Variants in ESR1 observed in about 807,000 individuals in gnomAD.
ESR1 encodes estrogen receptor 1.
ESR1 carries 12 observed loss-of-function variants against 52.7 expected under a neutral mutation model. The ratio of observed to expected loss-of-function variants is 0.23; its 90% CI spans 0.15 to 0.37. The LOEUF is 0.37. ESR1 is among the 10% of genes least tolerant of loss of function. ESR1 has a pLI of 1.00. For missense variants in ESR1, 584 were observed against 779.7 expected (o/e 0.75, Z 2.99); for synonymous variants, 305 against 316.8 (o/e 0.96, Z 0.39).
intron 1 of ESR1, among the ~76,000 whole-genome samples, chr6:151,659,781 G>A (rs2115193036): frequency 6.6e-6 from 1 of 152,256 alleles, no homozygotes; most frequent in Non-Finnish European, 1.5e-5. Flanking sequence ...GAAAATGAAT[G>A]TATGTGATGT....
chr6:152,003,539 C>T (rs1000136894), intron 4 of ESR1, among the ~76,000 whole-genome samples: 1 of 151,862 alleles, frequency 6.6e-6, no homozygotes, highest in African/African-American at 2.4e-5. Context: ...TGCTTTTGAA[C>T]ATTTTAACAC....
rs2152507405 is a variant in ESR1, at chr6:152,098,952, C to T, written c.1774C>T (p.Pro592Ser). The change falls in exon 8 of 8, where the codon CCT becomes TCT. Residue 592 changes from proline (P) to serine (S), a missense_variant. Transcript: ENST00000206249. This position sits in a 1 kb window ranked among gnomAD's most constrained non-coding sequence, Gnocchi z 5.1. The part of the protein sequence containing the change: ...YYITGEAEGF[P>S]ATV ...CATCACGGGGGAGGCAGAGGGTTTC[C>T]CTGCCACGGTCTGAGAGCTCCCTGG... The T allele has an allele frequency of 1.9e-6, 3 of 1,613,876 alleles. No homozygotes were observed. In the South Asian group the frequency reaches 3.3e-5, roughly 18 times the overall value.
chr6:151,679,841 CT>C (rs914094594), intron 1 of ESR1, among the ~76,000 whole-genome samples: 1 of 152,204 alleles, frequency 6.6e-6, no homozygotes, highest in African/African-American at 2.4e-5. Context: ...CCAGAATGCT[CT>C]TCCAGCAGTT....
intron 3 of ESR1, among the ~76,000 whole-genome samples, chr6:151,888,029 T>G (rs1377661756): frequency 1.3e-5 from 2 of 152,226 alleles, no homozygotes; most frequent in African/African-American, 4.8e-5. Flanking sequence ...GGTTCTCTAT[T>G]CTGTTCCATT....
At chr6:151,942,635 TTA>T (rs2035204026) in intron 3 of ESR1, among the ~76,000 whole-genome samples, 1 of 151,022 alleles carries the variant, frequency 6.6e-6, no homozygotes, top group African/African-American at 2.4e-5. Flanking sequence ...ATTTAATATA[TTA>T]TATATATAAA....
At chr6:151,708,889 A>C (rs1449361285) in intron 2 of ESR1, among the ~76,000 whole-genome samples, 1 of 152,168 alleles carries the variant, frequency 6.6e-6, no homozygotes, top group African/African-American at 2.4e-5. Flanking sequence ...ATCAATATCG[A>C]GATATATATA....
At chr6:151,785,034 CA>C (rs1323031428) in intron 2 of ESR1, among the ~76,000 whole-genome samples, 1 of 152,230 alleles carries the variant, frequency 6.6e-6, no homozygotes, top group African/African-American at 2.4e-5. Context: ...ACTGTACAAT[CA>C]GTTGTCATTT....
rs937179497 is a variant in ESR1, at chr6:151,922,260, A to G, written c.761-21913A>G. Among the ~76,000 whole-genome samples the G allele has an allele frequency of 2.6e-5, 4 of 152,186 alleles. No homozygotes were observed. In the East Asian group the frequency reaches 5.8e-4, roughly 22 times the overall value. On this transcript the variant is annotated intron_variant, in intron 3 of 7. Transcript: ENST00000206249. ...GGTGCTGGGAGAACTGGCTAGCCAC[A>G]TACAGAAAATTGAAACTGGACCCCT...
chr6:151,841,861 CAT>C (rs764109799), intron 1 of ESR1, among the ~76,000 whole-genome samples: 21 of 152,220 alleles, frequency 1.4e-4, no homozygotes, highest in African/African-American at 5.1e-4. Context: ...TACAGTCACA[CAT>C]CACCATTCTC....
intron 4 of ESR1, among the ~76,000 whole-genome samples, chr6:151,961,410 C>T (rs1372044132): frequency 6.6e-6 from 1 of 151,444 alleles, no homozygotes; most frequent in African/African-American, 2.4e-5. Flanking sequence ...CAAGAGCAGC[C>T]GTGATAGAGG....
chr6:151,704,975 C>G (rs1211906776), intron 2 of ESR1, among the ~76,000 whole-genome samples: 8 of 150,700 alleles, frequency 5.3e-5, no homozygotes, highest in Non-Finnish European at 1.0e-4. Context: ...GATCTAAGCC[C>G]TCTATATAGG....
chr6:151,721,428 G>C (rs1781454701), intron 2 of ESR1, among the ~76,000 whole-genome samples: 1 of 152,194 alleles, frequency 6.6e-6, no homozygotes, highest in Non-Finnish European at 1.5e-5. Context: ...AGAGCATTTT[G>C]GCTGTAATAC....
chr6:151,667,460 G>A (rs1777871513), intron 1 of ESR1, among the ~76,000 whole-genome samples: 1 of 152,142 alleles, frequency 6.6e-6, no homozygotes, highest in Non-Finnish European at 1.5e-5. Flanking sequence ...CCCCATTTGT[G>A]AGGGAGCTGG....
intron 4 of ESR1, among the ~76,000 whole-genome samples, chr6:151,949,473 G>A (rs1457263649): frequency 1.3e-5 from 2 of 152,186 alleles, no homozygotes; most frequent in Non-Finnish European, 2.9e-5. Context: ...AGCATGCTTT[G>A]GCAAGGTAAT....
At chr6:152,047,676 C>T (rs2046330995) in intron 5 of ESR1, among the ~76,000 whole-genome samples, 1 of 152,140 alleles carries the variant, frequency 6.6e-6, no homozygotes, top group African/African-American at 2.4e-5. Context: ...TACCTGAAAG[C>T]CCTGATTTGG....
At chr6:151,957,350 A>T (rs1399983514) in intron 4 of ESR1, among the ~76,000 whole-genome samples, 1 of 152,212 alleles carries the variant, frequency 6.6e-6, no homozygotes, top group African/African-American at 2.4e-5. Flanking sequence ...ATACAAAAAA[A>T]TCATGAGAGA....
chr6:151,758,564 C>A (rs1201888632), intron 2 of ESR1, among the ~76,000 whole-genome samples: 1 of 151,502 alleles, frequency 6.6e-6, no homozygotes, highest in Admixed American at 6.6e-5. Context: ...AGTTCGAGAC[C>A]AGCCTGGCCA....
At chr6:151,739,112 C>T (rs1782887518) in intron 2 of ESR1, among the ~76,000 whole-genome samples, 1 of 152,118 alleles carries the variant, frequency 6.6e-6, no homozygotes, top group Admixed American at 6.5e-5. Flanking sequence ...TAAGAAGGGG[C>T]TTCACTAAGT....
In ESR1 at chr6:151,867,414, T is replaced by TACACACACACAC. The variant is rs34943625; in HGVS notation, c.644-13223_644-13212dup. On this transcript the variant is annotated intron_variant, in intron 2 of 7. Coordinates refer to ENST00000206249, the MANE Select transcript of ESR1 (RefSeq NM_000125.4). ...AATGTAGAAGGAACTTCAACAAATTTACACACACACACACACACACACACA... is the reference window on the plus strand; with the variant it reads ...AATGTAGAAGGAACTTCAACAAATTTACACACACACACACACACACACACACACACACACACA... Among the ~76,000 whole-genome samples, 245 of 147,552 alleles carry TACACACACACAC rather than the reference T, an allele frequency of 1.7e-3. 1 individual carries two copies. Among genetic ancestry groups the TACACACACACAC allele is most frequent in the East Asian group, 0.013 (67 of 5,008 alleles).
Sources: gnomAD v4.1 joint callset for allele counts (sites outside exome capture counted in the v4.1 genomes callset) on GRCh38, gnomAD v4.1.1 for gene constraint, Gnocchi (gnomAD v3.1) non-coding constraint, MANE v1.5 for transcripts, NCBI Gene and HGNC (gene_info 2026-07-23, HGNC 2026-07-21) for gene names.